MYO16: variants seen among roughly 807,000 people sequenced by gnomAD.
The protein encoded by MYO16 is myosin XVI, also known as unconventional myosin-XVI.
Under a neutral mutation model 205.3 loss-of-function variants are expected in MYO16, and 94 were observed. That is an observed-to-expected ratio of 0.46 (90% confidence interval 0.39 to 0.54). The LOEUF (loss-of-function observed/expected upper bound fraction) is 0.54, where lower values mean the gene tolerates loss of function less well. Among genes scored for constraint, MYO16 ranks in the 20% least tolerant of loss-of-function variants. The pLI, the probability that MYO16 is intolerant of heterozygous loss-of-function variation, is 0.00. For synonymous variants in MYO16, 988 were observed against 954.0 expected (o/e 1.04, Z -0.66); for missense variants, 2,315 against 2,387.5 (o/e 0.97, Z 0.63).
chr13:108,615,397 T>C (rs117680384), intron 1 of MYO16, among the ~76,000 whole-genome samples: 1,878 of 152,226 alleles, frequency 0.012, 45 homozygotes, highest in South Asian at 0.087. Context: ...TTGGCAGTTC[T>C]GCGAAATTTT....
At chr13:108,756,592 T>C (rs964099457) in intron 4 of MYO16, among the ~76,000 whole-genome samples, 1 of 152,180 alleles carries the variant, frequency 6.6e-6, no homozygotes, top group African/African-American at 2.4e-5. Context: ...TATGTTAATA[T>C]TGTAAAGCAC....
At chr13:108,771,515 A>C (rs945607030) in intron 4 of MYO16, among the ~76,000 whole-genome samples, 3 of 152,072 alleles carry the variant, frequency 2.0e-5, no homozygotes, top group African/African-American at 7.3e-5. Context: ...CTAAGTTCAT[A>C]GTTAACATTA....
intron 27 of MYO16, among the ~76,000 whole-genome samples, chr13:109,095,108 A>G (rs1415209358): frequency 6.6e-6 from 1 of 152,218 alleles, no homozygotes; most frequent in African/African-American, 2.4e-5. Context: ...AGTAGATAAC[A>G]GTTGTTCCCC....
chr13:108,764,826 C>T (rs756323692), intron 4 of MYO16, among the ~76,000 whole-genome samples: 2 of 152,148 alleles, frequency 1.3e-5, no homozygotes, highest in African/African-American at 2.4e-5. Context: ...GAAAATCGTT[C>T]GCTTGCCTAA....
chr13:108,612,580 A>G (rs1879215850), intron 1 of MYO16, among the ~76,000 whole-genome samples: 1 of 152,164 alleles, frequency 6.6e-6, no homozygotes, highest in South Asian at 2.1e-4. Flanking sequence ...TCCTTGCCCA[A>G]ATGGAGTTCA....
At chr13:108,528,945 G>A in the MYO16 span, among the ~76,000 whole-genome samples, 2 of 151,858 alleles carry the variant, frequency 1.3e-5, no homozygotes, top group African/African-American at 4.8e-5. Context: ...GGTTGGAAGT[G>A]ACGACTCGAT....
chr13:108,692,301 G>A (rs1423260361), intron 2 of MYO16, among the ~76,000 whole-genome samples: 5 of 151,806 alleles, frequency 3.3e-5, no homozygotes, highest in Admixed American at 3.3e-4. Flanking sequence ...TTTTGAAACT[G>A]ACTGAGGTAT....
At chr13:108,714,717 T>C (rs1194554930) in intron 3 of MYO16, among the ~76,000 whole-genome samples, 4 of 152,222 alleles carry the variant, frequency 2.6e-5, no homozygotes, top group Admixed American at 1.3e-4. Context: ...CAAATACTTG[T>C]TGACTTTTAC....
At chr13:108,848,999 G>T (rs1566367453) in intron 10 of MYO16, among the ~76,000 whole-genome samples, 3 of 151,534 alleles carry the variant, frequency 2.0e-5, no homozygotes, top group Non-Finnish European at 4.4e-5. Context: ...AAGGGAAAGG[G>T]CCTGGTAGAC....
chr13:108,880,234 T>A (rs1879544538), intron 12 of MYO16, among the ~76,000 whole-genome samples: 1 of 152,244 alleles, frequency 6.6e-6, no homozygotes, highest in Admixed American at 6.5e-5. Flanking sequence ...GTAAATTTGT[T>A]TGAATTCTTT....
intron 27 of MYO16, among the ~76,000 whole-genome samples, chr13:109,091,117 T>C (rs1228829087): frequency 1.3e-5 from 2 of 152,264 alleles, no homozygotes; most frequent in East Asian, 1.9e-4. Flanking sequence ...TATAAGTTCA[T>C]AGAATGGGGG....
chr13:108,587,265 A>T, the MYO16 span, among the ~76,000 whole-genome samples: 18 of 152,310 alleles, frequency 1.2e-4, no homozygotes, highest in Admixed American at 5.9e-4. Context: ...GTCCAGATGC[A>T]GTGATTTGGT....
Position 109,019,931 on chromosome 13 carries a change from T to C in MYO16, c.2796+20T>C, listed in dbSNP as rs535349429. Reference sequence around the variant, plus strand: ...GGAAGGGTAAGTGGCCAGAACTGCATAATTTTTCATGTGCACTAATGATCA... The same window carrying C: ...GGAAGGGTAAGTGGCCAGAACTGCACAATTTTTCATGTGCACTAATGATCA... On this transcript the variant is annotated intron_variant, in intron 23 of 34. Transcript: ENST00000457511. 2.5e-6 allele frequency: 4 copies of C among 1,608,892 alleles called. No homozygotes were observed. The highest frequency in any genetic ancestry group is 2.2e-5 in the South Asian group (2 of 90,522).
intron 33 of MYO16, among the ~76,000 whole-genome samples, chr13:109,179,283 T>C (rs541391748): frequency 6.6e-6 from 1 of 152,344 alleles, no homozygotes; most frequent in Non-Finnish European, 1.5e-5. Context: ...ATCTGCTCAC[T>C]TTTGTGCTAT....
chr13:108,755,000 T>TA (rs891473288), intron 4 of MYO16, among the ~76,000 whole-genome samples: 3 of 152,090 alleles, frequency 2.0e-5, no homozygotes, highest in Non-Finnish European at 2.9e-5. Context: ...GTTAATGTCA[T>TA]AAAAAGTTAT....
chr13:109,009,120 CT>C, intron 22 of MYO16, 71 bp downstream of exon 22: 1 of 1,265,888 alleles, frequency 7.9e-7, no homozygotes. Flanking sequence ...AAAGAATTTT[CT>C]TTCAGGACGC....
intron 11 of MYO16, among the ~76,000 whole-genome samples, chr13:108,859,697 C>CT (rs1325481058): frequency 2.0e-5 from 3 of 152,156 alleles, no homozygotes; most frequent in African/African-American, 7.2e-5. Flanking sequence ...TGAATACTTA[C>CT]TGCCAGCAGC....
At chr13:108,889,873 T>A (rs1880080221) in intron 14 of MYO16, among the ~76,000 whole-genome samples, 1 of 152,166 alleles carries the variant, frequency 6.6e-6, no homozygotes, top group African/African-American at 2.4e-5. Flanking sequence ...CACAGTGTAC[T>A]GCAAACACGT....
intron 31 of MYO16, among the ~76,000 whole-genome samples, chr13:109,137,986 G>A (rs1325795119): frequency 6.6e-6 from 1 of 152,096 alleles, no homozygotes; most frequent in Non-Finnish European, 1.5e-5. Context: ...TTCCTTTTTT[G>A]TTGTTGTATG....
Sources: allele counts gnomAD v4.1 joint callset (sites outside exome capture counted in the v4.1 genomes callset), GRCh38; gene constraint gnomAD v4.1.1; transcripts MANE v1.5; gene names NCBI Gene and HGNC (gene_info 2026-07-23, HGNC 2026-07-21).